The following CASTOR2 variants were observed in gnomAD, a reference collection of about 807,000 sequenced individuals.
The protein encoded by CASTOR2 is GATS protein like 2.
In CASTOR2, 8 loss-of-function variants were observed where a neutral mutation model predicts 31.2. The ratio of observed to expected loss-of-function variants is 0.26; its 90% CI spans 0.15 to 0.46. CASTOR2 has a LOEUF of 0.46. Among genes scored for constraint, CASTOR2 ranks in the 20% least tolerant of loss-of-function variants. The probability of loss-of-function intolerance (pLI) is 0.99; values close to 1 mark genes in which losing one functional copy is unlikely to be tolerated. For synonymous variants in CASTOR2, 162 were observed against 158.7 expected, an observed-to-expected ratio of 1.02 and a Z score of -0.16; for missense variants, 216 against 382.1, an observed-to-expected ratio of 0.57 and a Z score of 3.62.
At chr7:75,004,440 C>T (rs1464525658) in intron 1 of CASTOR2, among the ~76,000 whole-genome samples, 3 of 147,180 alleles carry the variant, frequency 2.0e-5, no homozygotes, top group African/African-American at 7.5e-5. Context: ...TCATGGATGA[C>T]CCTAGCACAG....
intron 1 of CASTOR2, among the ~76,000 whole-genome samples, chr7:74,991,895 T>G (rs1584465124): frequency 6.6e-6 from 1 of 151,448 alleles, no homozygotes; most frequent in African/African-American, 2.4e-5. Flanking sequence ...CCATGGGAGG[T>G]GCTTGACCCA....
chr7:75,018,703 GA>G (rs1804923696), intron 4 of CASTOR2, among the ~76,000 whole-genome samples: 1 of 152,250 alleles, frequency 6.6e-6, no homozygotes, highest in Non-Finnish European at 1.5e-5. Context: ...CTGAAGCCTG[GA>G]ACACAGGTAG....
chr7:74,965,860 ACACACACACACACACACACACACTCTCT>A (rs1803563176), intron 1 of CASTOR2, among the ~76,000 whole-genome samples: 1 of 16,936 alleles, frequency 5.9e-5, no homozygotes, highest in Admixed American at 9.8e-4. Flanking sequence ...TCACACACAC[ACACACACACACACACACACACACTCTCT>A]CTCTCTCTCT....
rs1280803025 is a variant in CASTOR2, at chr7:75,018,055, C to T, written c.444C>T (p.Val148=). Residue 148 remains valine (V), a synonymous_variant, in exon 4 of 9, where the codon GTC becomes GTT. Transcript: ENST00000616305. ...CATCAGAGTTCACCATCCTGCGGGTCGTCAATGGCGAGACCGTGGCAGCCG... is the reference window on the plus strand; with the variant it reads ...CATCAGAGTTCACCATCCTGCGGGTTGTCAATGGCGAGACCGTGGCAGCCG... ...TLSSEFTILR[V]VNGETVAAEN... 1.7e-5 allele frequency: 28 copies of T among 1,614,056 alleles called. 1 individual carries two copies. In the Middle Eastern group the frequency reaches 9.9e-4, roughly 57 times the overall value.
intron 1 of CASTOR2, among the ~76,000 whole-genome samples, chr7:74,979,106 G>T (rs1351182181): frequency 6.6e-6 from 1 of 152,092 alleles, no homozygotes; most frequent in African/African-American, 2.4e-5. Flanking sequence ...GGTAGAGGCT[G>T]CAGTGAGCCG....
chr7:75,024,756 T>C lies in CASTOR2; in HGVS notation c.*57T>C, dbSNP rs1412477013. On this transcript the variant is annotated 3_prime_UTR_variant, in exon 9 of 9. Transcript: ENST00000616305. ...CCGGGCCCAGCCCTAACCCTGAAGA[T>C]TGATCTTGCAGTATTTCTCTACAGA... 2.4e-5 allele frequency: 37 copies of C among 1,551,284 alleles called. No individual in the cohort carries two copies. In the East Asian group the frequency reaches 2.9e-4, roughly 12 times the overall value.
Position 75,020,169 on chromosome 7 carries a change from G to A in CASTOR2, c.746+20G>A. 1.3e-6 allele frequency: 2 copies of A among 1,550,524 alleles called. No individual in the cohort carries two copies. Among genetic ancestry groups the A allele is most frequent in the Non-Finnish European group, 1.7e-6 (2 of 1,146,092 alleles). ...GCAGAGGTGAGCCAGGCCCTGGGGT[G>A]GACGTTCAACCCAGGGTGGGCCCCA... On this transcript the variant is annotated intron_variant, in intron 6 of 8. Coordinates refer to ENST00000616305, the MANE Select transcript of CASTOR2 (RefSeq NM_001145064.3).
At chr7:75,001,327 C>T (rs1804490863) in intron 1 of CASTOR2, among the ~76,000 whole-genome samples, 1 of 152,198 alleles carries the variant, frequency 6.6e-6, no homozygotes, top group Non-Finnish European at 1.5e-5. Flanking sequence ...ATACCCCTGC[C>T]TTGGCCTCCA....
intron 2 of CASTOR2, among the ~76,000 whole-genome samples, chr7:75,009,560 G>A (rs782192860): frequency 2.4e-4 from 36 of 151,954 alleles, no homozygotes; most frequent in South Asian, 4.2e-4. Context: ...GAGCCACCGC[G>A]CCCGGCCCTG....
intron 1 of CASTOR2, among the ~76,000 whole-genome samples, chr7:75,001,243 A>G (rs1248647518): frequency 3.6e-4 from 55 of 151,146 alleles, no homozygotes; most frequent in African/African-American, 1.3e-3. Context: ...TGCTCAGGTA[A>G]TTTTTAAATT....
chr7:74,987,701 G>T (rs1276018465), intron 1 of CASTOR2, among the ~76,000 whole-genome samples: 24 of 152,136 alleles, frequency 1.6e-4, no homozygotes, highest in African/African-American at 5.3e-4. Flanking sequence ...GTTCTGTCTG[G>T]TTTTCTTTTT....
At chr7:75,014,532 C>T (rs1201302585) in intron 2 of CASTOR2, among the ~76,000 whole-genome samples, 1 of 151,826 alleles carries the variant, frequency 6.6e-6, no homozygotes, top group Non-Finnish European at 1.5e-5. Flanking sequence ...GCAGAGGTTG[C>T]AGTGAGCCGA....
chr7:75,019,465 A>G (rs1487976757), intron 5 of CASTOR2, among the ~76,000 whole-genome samples: 1 of 152,090 alleles, frequency 6.6e-6, no homozygotes, highest in Admixed American at 6.6e-5. Context: ...GGTGGGAGAC[A>G]TGGACCCGCC....
intron 2 of CASTOR2, among the ~76,000 whole-genome samples, chr7:75,017,073 ACC>A (rs1325169713): frequency 5.9e-5 from 9 of 152,192 alleles, no homozygotes; most frequent in African/African-American, 2.2e-4. Flanking sequence ...AATCACTTGA[ACC>A]CAGGAGGTGG....
intron 1 of CASTOR2, among the ~76,000 whole-genome samples, chr7:74,999,317 C>T (rs1804435878): frequency 6.6e-6 from 1 of 151,900 alleles, no homozygotes; most frequent in Non-Finnish European, 1.5e-5. Flanking sequence ...ACCTTATTTT[C>T]TATCTTAAGG....
At chr7:74,999,807 G>A (rs1445233807) in intron 1 of CASTOR2, among the ~76,000 whole-genome samples, 70 of 151,750 alleles carry the variant, frequency 4.6e-4, no homozygotes, top group African/African-American at 1.5e-3. Flanking sequence ...TAGTAGAGAC[G>A]GGGTTTCACC....
At chr7:75,014,324 A>G (rs1350758556) in intron 2 of CASTOR2, among the ~76,000 whole-genome samples, 1 of 150,744 alleles carries the variant, frequency 6.6e-6, no homozygotes, top group East Asian at 2.0e-4. Flanking sequence ...CTGTAATCCC[A>G]GCACTTTGGG....
chr7:75,013,556 T>A (rs1302782518), intron 2 of CASTOR2, among the ~76,000 whole-genome samples: 1 of 151,520 alleles, frequency 6.6e-6, no homozygotes, highest in African/African-American at 2.4e-5. Flanking sequence ...GGTGGGAGGA[T>A]CACTTGAGCC....
chr7:75,002,081 A>C (rs1804510205), intron 1 of CASTOR2, among the ~76,000 whole-genome samples: 2 of 151,766 alleles, frequency 1.3e-5, no homozygotes, highest in Admixed American at 1.3e-4. Context: ...GTTTTATTTT[A>C]TTTTATTTTA....
Sources: gnomAD v4.1 joint callset for allele counts (sites outside exome capture counted in the v4.1 genomes callset) on GRCh38, gnomAD v4.1.1 for gene constraint, MANE v1.5 for transcripts, NCBI Gene and HGNC (gene_info 2026-07-23, HGNC 2026-07-21) for gene names.